The following GNAS variants were observed in gnomAD, a reference collection of about 807,000 sequenced individuals.
The protein encoded by GNAS is protein ALEX.
A neutral mutation model predicts 54.5 loss-of-function variants in GNAS; 8 were observed. The observed-to-expected ratio is 0.15, with a 90% CI of 0.09 to 0.26. The LOEUF is 0.26. Among genes scored for constraint, GNAS ranks in the 10% least tolerant of loss-of-function variants. GNAS has a pLI of 1.00. For synonymous variants in GNAS, 204 were observed against 191.4 expected (o/e 1.07, Z -0.54); for missense variants, 170 against 529.8 (o/e 0.32, Z 6.67).
chr20:58,840,791 G>T, upstream of GNAS: 1 of 1,611,920 alleles, frequency 6.2e-7, no homozygotes. This position sits in a 1 kb window ranked among gnomAD's most constrained non-coding sequence, Gnocchi z 6.0. Flanking sequence ...CCGCCGTGAC[G>T]CGTCCCCGGA....
At position 58,909,221 on chromosome 20, in the gene GNAS, G is replaced by T; in HGVS notation, c.585+5G>T. On this transcript the variant is annotated splice_donor_5th_base_variant and intron_variant, in intron 7 of 12. Coordinates refer to ENST00000371085, the MANE Select transcript of GNAS (RefSeq NM_000516.7). The surrounding 1 kb of genome is among the most constrained non-coding windows in gnomAD (Gnocchi z 7.3). Reference sequence around the variant, plus strand: ...GACTATGTGCCGAGCGATCAGGTGTGCAAAACCCCTCCCCACCAGAGGACT... The same window carrying T: ...GACTATGTGCCGAGCGATCAGGTGTTCAAAACCCCTCCCCACCAGAGGACT... 1 of 1,612,674 alleles carries T rather than the reference G, an allele frequency of 6.2e-7. No individual in the cohort carries two copies. Among genetic ancestry groups the T allele is most frequent in the Non-Finnish European group, 8.5e-7 (1 of 1,178,662 alleles).
In GNAS at chr20:58,853,551, C is replaced by G. The variant is rs531835243; in HGVS notation, c.43+12665C>G. 1.5e-5 allele frequency: 24 copies of G among 1,613,286 alleles called. No individual in the cohort carries two copies. In the East Asian group the frequency reaches 1.8e-4, roughly 12 times the overall value. On this transcript the variant is annotated intron_variant, in intron 1 of 12. Coordinates refer to the GNAS transcript ENST00000306090. The surrounding 1 kb of genome is among the most constrained non-coding windows in gnomAD (Gnocchi z 4.4). ...AGCTGGAGCCCATGGAAGCTACAGC[C>G]CACCTCCTGAGGAAGCAATGCCCTT... is the stretch of plus-strand genomic sequence containing the variant.
intron 1 of GNAS, among the ~76,000 whole-genome samples, chr20:58,865,453 T>G (rs2087003261): frequency 1.4e-5 from 2 of 146,728 alleles, no homozygotes; most frequent in East Asian, 3.9e-4. Context: ...TTTTATATTA[T>G]ATATATATCA....
chr20:58,855,411 G>GA, intron 1 of GNAS: 1 of 1,331,720 alleles, frequency 7.5e-7, no homozygotes, highest in East Asian at 2.5e-5. Context: ...GCCTGGTGGG[G>GA]CTAGGGGCTC....
chr20:58,894,794 G>C (rs1003596355), intron 1 of GNAS, among the ~76,000 whole-genome samples: 3 of 152,084 alleles, frequency 2.0e-5, no homozygotes, highest in Non-Finnish European at 4.4e-5. Flanking sequence ...TTAAAGTTTT[G>C]TTCTTATGTT....
At chr20:58,868,012 TTC>T (rs2087161009) in intron 1 of GNAS, among the ~76,000 whole-genome samples, 2 of 142,468 alleles carry the variant, frequency 1.4e-5, no homozygotes, top group African/African-American at 5.8e-5. Context: ...CCTCTCCTGT[TTC>T]TTTCTTTCTT....
upstream of GNAS, among the ~76,000 whole-genome samples, chr20:58,889,967 AGCTGCGGCGGCG>A (rs1189661687): frequency 7.9e-5 from 12 of 151,590 alleles, no homozygotes; most frequent in African/African-American, 1.4e-4. Flanking sequence ...TGGCTGCCGA[AGCTGCGGCGGCG>A]GCTGCGGCGT....
At chr20:58,895,854 C>T (rs1024529881) in intron 2 of GNAS, among the ~76,000 whole-genome samples, 170 bp downstream of exon 2, 3 of 152,090 alleles carry the variant, frequency 2.0e-5, no homozygotes, top group Non-Finnish European at 4.4e-5. Context: ...CCCTCACCCC[C>T]CACCCCCTTG....
chr20:58,899,949 A>G (rs1251714964), intron 3 of GNAS: 1 of 717,912 alleles, frequency 1.4e-6, no homozygotes, highest in South Asian at 1.5e-5. Context: ...TTTCTTTTAG[A>G]ATATAATATC....
At position 58,910,597 on chromosome 20, in the gene GNAS, AG is replaced by A. The variant is rs1436940052; in HGVS notation, c.1039-85del. 1 of 1,500,486 alleles carries A rather than the reference AG, an allele frequency of 6.7e-7. No individual in the cohort carries two copies. Among genetic ancestry groups the A allele is most frequent in the East Asian group, 2.3e-5 (1 of 44,166 alleles). The allele number at this position is 1,500,486 out of a possible 1,614,324, so 92.9% of individuals were successfully genotyped here. A position where few individuals can be genotyped will look rare whatever the true frequency, so the allele number is the denominator to read the frequency against. On this transcript the variant is annotated intron_variant, in intron 12 of 12. Transcript: ENST00000371085. This position sits in a 1 kb window ranked among gnomAD's most constrained non-coding sequence, Gnocchi z 5.8. The stretch of plus-strand genomic sequence containing the variant: ...CATATGACATCAGAGGCTGGCTGAC[AG>A]CCGTCCCTGGTAGGTGTCCCCATCA...
At chr20:58,886,100 G>C (rs948811892) in intron 1 of GNAS, among the ~76,000 whole-genome samples, 1 of 152,288 alleles carries the variant, frequency 6.6e-6, no homozygotes, top group Middle Eastern at 3.4e-3. Flanking sequence ...TCAAAAGGTA[G>C]ACAAGGCATT....
At chr20:58,869,453 G>A (rs2087290503) in intron 1 of GNAS, among the ~76,000 whole-genome samples, 1 of 152,172 alleles carries the variant, frequency 6.6e-6, no homozygotes, top group Admixed American at 6.5e-5. Flanking sequence ...CTTTGTGGGA[G>A]CAGAGTTTGG....
chr20:58,865,541 A>G (rs1212123416), intron 1 of GNAS, among the ~76,000 whole-genome samples: 4 of 137,738 alleles, frequency 2.9e-5, no homozygotes, highest in African/African-American at 1.2e-4. Flanking sequence ...ATAATATAAA[A>G]TACTTTTTTT....
At chr20:58,864,891 TG>T (rs533962745) in intron 1 of GNAS, among the ~76,000 whole-genome samples, 2 of 151,922 alleles carry the variant, frequency 1.3e-5, no homozygotes, top group South Asian at 4.2e-4. Flanking sequence ...CTATGCACTG[TG>T]GGATGTGTAG....
Position 58,910,930 on chromosome 20 carries a change from C to A in GNAS, c.*101C>A. 8.6e-7 allele frequency: 1 copy of A among 1,167,030 alleles called. No homozygotes were observed. The highest frequency in any genetic ancestry group is 1.3e-6 in the Non-Finnish European group (1 of 788,590). 72.3% of individuals were successfully genotyped at this position (1,167,030 alleles called of 1,614,324 possible). ...ATCACCCACCATAGGGCATGATTAA[C>A]AAAGCAACCTTTCCCTTCCCCCGAG... On this transcript the variant is annotated 3_prime_UTR_variant, in exon 13 of 13. Coordinates refer to ENST00000371085, the MANE Select transcript of GNAS (RefSeq NM_000516.7). The surrounding 1 kb of genome is among the most constrained non-coding windows in gnomAD (Gnocchi z 5.8).
chr20:58,888,190 CTT>C (rs1286813737), upstream of GNAS, among the ~76,000 whole-genome samples: 1 of 152,170 alleles, frequency 6.6e-6, no homozygotes, highest in Non-Finnish European at 1.5e-5. Context: ...AGTTTGTGGA[CTT>C]TGCATATCTG....
chr20:58,844,999 T>C (rs2085890936), intron 1 of GNAS, among the ~76,000 whole-genome samples: 1 of 151,726 alleles, frequency 6.6e-6, no homozygotes, highest in Non-Finnish European at 1.5e-5. Flanking sequence ...TGGAAACACT[T>C]AGCCATCCTG....
chr20:58,899,481 G>A (rs755766513), intron 3 of GNAS: 9 of 539,986 alleles, frequency 1.7e-5, no homozygotes, highest in Admixed American at 3.8e-5. Context: ...GCAGCAGGTC[G>A]TTAAGAATCA....
chr20:58,891,109 G>A (rs1444369663), upstream of GNAS, among the ~76,000 whole-genome samples: 2 of 146,354 alleles, frequency 1.4e-5, no homozygotes, highest in East Asian at 2.3e-4. Context: ...CGGCTCAGCC[G>A]GGCTGCTGCC....
Sources: gnomAD v4.1 joint callset for allele counts (sites outside exome capture counted in the v4.1 genomes callset) on GRCh38, gnomAD v4.1.1 for gene constraint, Gnocchi (gnomAD v3.1) non-coding constraint, MANE v1.5 for transcripts, NCBI Gene and HGNC (gene_info 2026-07-23, HGNC 2026-07-21) for gene names.